Variants in IQSEC1 observed in about 807,000 individuals in gnomAD.
IQSEC1 encodes the protein IQ motif and Sec7 domain ArfGEF 1.
A neutral mutation model predicts 91.0 loss-of-function variants in IQSEC1; 31 were observed. The observed-to-expected ratio is 0.34, with a 90% CI of 0.26 to 0.46. The LOEUF is 0.46. IQSEC1 is among the 20% of genes least tolerant of loss of function. The pLI is 1.00. For missense variants in IQSEC1, 1,388 were observed against 1,575.6 expected, an observed-to-expected ratio of 0.88 and a Z score of 2.02; for synonymous variants, 699 against 662.6, an observed-to-expected ratio of 1.05 and a Z score of -0.84.
Position 13,103,218 on chromosome 3 carries a change from A to G in IQSEC1, c.303-55696T>C, listed in dbSNP as rs549252892. ...CGAACTCTCGCCACCTCCCTAAGCC[A>G]GAGCTGTCTGCTTGCTCAGATATCA... On this transcript the variant is annotated intron_variant, in intron 2 of 15. Coordinates refer to the IQSEC1 transcript ENST00000648114. The surrounding 1 kb of genome is among the most constrained non-coding windows in gnomAD (Gnocchi z 4.1). Among the ~76,000 whole-genome samples the G allele has an allele frequency of 6.6e-6, 1 of 152,124 alleles. No homozygotes were observed. The highest frequency in any genetic ancestry group is 1.5e-5 in the Non-Finnish European group (1 of 68,032).
chr3:13,016,358 C>T (rs1213038212), intron 1 of IQSEC1, among the ~76,000 whole-genome samples: 1 of 152,228 alleles, frequency 6.6e-6, no homozygotes, highest in Non-Finnish European at 1.5e-5. Context: ...AAACAGTGGC[C>T]GGCCGCCACA....
At chr3:12,910,160 G>A (rs527321180) in intron 10 of IQSEC1, among the ~76,000 whole-genome samples, 48 of 152,378 alleles carry the variant, frequency 3.2e-4, no homozygotes, top group Middle Eastern at 6.8e-3. Flanking sequence ...ACATTTTGAT[G>A]TAGAGACTGG....
rs41293399 is a variant in IQSEC1, at chr3:12,941,464, A to C, written c.318+107T>G. 1.3e-4 allele frequency: 152 copies of C among 1,174,210 alleles called. No homozygotes were observed. In the Middle Eastern group the frequency reaches 1.4e-3, roughly 11 times the overall value. 72.7% of individuals were successfully genotyped at this position (1,174,210 alleles called of 1,614,324 possible). ...TCAGCCTTAGCCCACATGCACCCCA[A>C]CTCAAGTCTATGGGAGAGATCTGCC... On this transcript the variant is annotated intron_variant, in intron 2 of 13. Transcript: ENST00000613206.
chr3:12,910,596 C>T (rs1260201479), intron 10 of IQSEC1, among the ~76,000 whole-genome samples: 1 of 152,206 alleles, frequency 6.6e-6, no homozygotes, highest in Non-Finnish European at 1.5e-5. Flanking sequence ...GGGAGGCGGC[C>T]AGGGCAGGCA....
chr3:13,068,221 G>A (rs1159595929), intron 1 of IQSEC1, among the ~76,000 whole-genome samples: 3 of 152,242 alleles, frequency 2.0e-5, no homozygotes, highest in South Asian at 2.1e-4. Flanking sequence ...TGTCCTTCAC[G>A]GATCCTTTGG....
chr3:13,105,268 A>T (rs771381422), intron 2 of IQSEC1, among the ~76,000 whole-genome samples: 7 of 151,782 alleles, frequency 4.6e-5, no homozygotes, highest in Admixed American at 6.6e-5. Flanking sequence ...AGGGGACTCT[A>T]CCACTCTCTA....
intron 1 of IQSEC1, among the ~76,000 whole-genome samples, chr3:13,225,570 A>C (rs1208032861): frequency 6.6e-6 from 1 of 152,236 alleles, no homozygotes; most frequent in Non-Finnish European, 1.5e-5. Flanking sequence ...CCATTCAACA[A>C]ATATGTATCA....
At chr3:13,060,878 AGAGTCTAAATCCC>A (rs1003024712) in intron 1 of IQSEC1, among the ~76,000 whole-genome samples, 1 of 152,138 alleles carries the variant, frequency 6.6e-6, no homozygotes, top group Non-Finnish European at 1.5e-5. Context: ...CCTGATATCC[AGAGTCTAAATCCC>A]ACCTCAGCCC....
chr3:12,966,434 C>A (rs1402717670), intron 1 of IQSEC1, among the ~76,000 whole-genome samples: 3 of 152,188 alleles, frequency 2.0e-5, no homozygotes, highest in Non-Finnish European at 2.9e-5. Context: ...TCAACAAATC[C>A]CCTTAGCCCC....
intron 1 of IQSEC1, chr3:13,047,516 G>A (rs1704544744): frequency 1.0e-6 from 1 of 985,152 alleles, no homozygotes; most frequent in Admixed American, 6.2e-5. Context: ...CGGTGTCCAG[G>A]GAGCTCCTGA....
At chr3:13,179,237 T>A (rs1215156425) in intron 1 of IQSEC1, among the ~76,000 whole-genome samples, 1 of 152,200 alleles carries the variant, frequency 6.6e-6, no homozygotes, top group Non-Finnish European at 1.5e-5. Context: ...AAACCCCTGG[T>A]GTTTCAGTAA....
At chr3:13,136,080 G>A (rs1706705517) in intron 2 of IQSEC1, among the ~76,000 whole-genome samples, 2 of 152,230 alleles carry the variant, frequency 1.3e-5, no homozygotes, top group Non-Finnish European at 2.9e-5. Flanking sequence ...GGCCGCCTGC[G>A]GGACATGCAC....
intron 1 of IQSEC1, among the ~76,000 whole-genome samples, chr3:13,166,817 C>A (rs1157402783): frequency 6.6e-6 from 1 of 152,182 alleles, no homozygotes; most frequent in Non-Finnish European, 1.5e-5. Flanking sequence ...CTGTGGGAAG[C>A]CAGGACTGCA....
intron 1 of IQSEC1, among the ~76,000 whole-genome samples, chr3:13,019,445 G>A (rs901600173): frequency 2.6e-5 from 4 of 152,236 alleles, no homozygotes; most frequent in Non-Finnish European, 4.4e-5. Context: ...CTGTCCGATC[G>A]CAACCCTCCA....
At chr3:13,044,830 C>T (rs549636890) in intron 1 of IQSEC1, among the ~76,000 whole-genome samples, 55 of 152,388 alleles carry the variant, frequency 3.6e-4, no homozygotes, top group African/African-American at 1.3e-3. Flanking sequence ...GCCTCCAGAA[C>T]CTCCGAAGGC....
chr3:13,068,639 T>C (rs360858), intron 1 of IQSEC1, among the ~76,000 whole-genome samples: 84,583 of 151,998 alleles, frequency 0.56, 23,500 homozygotes, highest in Middle Eastern at 0.63. Context: ...ACCTCTCTTC[T>C]TGGTCCACTC....
intron 1 of IQSEC1, among the ~76,000 whole-genome samples, chr3:13,277,829 C>T (rs1490196982): frequency 6.6e-6 from 1 of 152,214 alleles, no homozygotes; most frequent in Non-Finnish European, 1.5e-5. Flanking sequence ...GCCCCCTCCT[C>T]TTTGCTAAGA....
At chr3:12,902,685 A>AAAAAAAAAAAAAAAAAAAG in intron 13 of IQSEC1, 88 bp downstream of exon 13, 1 of 674,322 alleles carries the variant, frequency 1.5e-6, no homozygotes, top group Non-Finnish European at 2.5e-6. Flanking sequence ...AAAAAAAAAA[A>AAAAAAAAAAAAAAAAAAAG]AAAAAAAAAC....
At chr3:13,251,734 A>G (rs3894134) in intron 1 of IQSEC1, among the ~76,000 whole-genome samples, 36,314 of 152,092 alleles carry the variant, frequency 0.24, 7,181 homozygotes, top group African/African-American at 0.55. Context: ...ACAATATTCT[A>G]ATGAGACAGT....
Sources: allele counts gnomAD v4.1 joint callset (sites outside exome capture counted in the v4.1 genomes callset), GRCh38; gene constraint gnomAD v4.1.1; non-coding constraint Gnocchi (gnomAD v3.1); transcripts MANE v1.5; gene names NCBI Gene and HGNC (gene_info 2026-07-23, HGNC 2026-07-21).